ZNF710: variants seen among roughly 807,000 people sequenced by gnomAD.
The protein encoded by ZNF710 is zinc finger protein 710.
In ZNF710, 13 loss-of-function variants were observed where a neutral mutation model predicts 50.6. The ratio of observed to expected loss-of-function variants is 0.26; its 90% CI spans 0.17 to 0.41. ZNF710 has a LOEUF of 0.41. Among genes scored for constraint, ZNF710 ranks in the 10% least tolerant of loss-of-function variants. ZNF710 has a pLI of 1.00. For missense variants in ZNF710, 721 were observed against 936.6 expected (o/e 0.77, Z 3.01); for synonymous variants, 383 against 397.0 (o/e 0.96, Z 0.42).
At chr15:90,072,885 G>T (rs550497779) in intron 2 of ZNF710, among the ~76,000 whole-genome samples, 186 bp from the exon 3 acceptor site, 1 of 152,266 alleles carries the variant, frequency 6.6e-6, no homozygotes, top group South Asian at 2.1e-4. Context: ...AAGTGGCTCT[G>T]CCCCCACATT....
At position 90,079,773 on chromosome 15, in the gene ZNF710, G is replaced by T; in HGVS notation, c.1939G>T (p.Ala647Ser). ...TGCGAGCGTGGACAGCAGCGCCGAG[G>T]CCAGTGTCCTCACTGAACAGGCCAT... ...SYASVDSSAE[A>S]SVLTEQAMKE... The change falls in exon 5 of 5, where the codon GCC becomes TCC. Residue 647 changes from alanine to serine, a missense_variant. Ala to Ser is a moderately conservative substitution (Grantham distance 99). Transcript: ENST00000268154. 6.2e-7 allele frequency: 1 copy of T among 1,612,978 alleles called. No homozygotes were observed. Among genetic ancestry groups the T allele is most frequent in the Non-Finnish European group, 8.5e-7 (1 of 1,179,632 alleles).
chr15:90,022,673 A>G (rs996603796), intron 1 of ZNF710, among the ~76,000 whole-genome samples: 5 of 152,152 alleles, frequency 3.3e-5, no homozygotes, highest in African/African-American at 1.2e-4. Context: ...GGAAATGTTG[A>G]CCTGAGAGAC....
intron 2 of ZNF710, among the ~76,000 whole-genome samples, chr15:90,072,823 A>T (rs1900436922): frequency 6.6e-6 from 1 of 152,160 alleles, no homozygotes; most frequent in African/African-American, 2.4e-5. Context: ...AGGTATCTGG[A>T]TCGTTACAGT....
chr15:90,011,059 T>C (rs1013707112), intron 1 of ZNF710, among the ~76,000 whole-genome samples: 1 of 149,836 alleles, frequency 6.7e-6, no homozygotes, highest in African/African-American at 2.4e-5. Context: ...GCCTCCCAAA[T>C]AGCTGGGATT....
At chr15:90,079,319 T>C (rs564833835) in intron 4 of ZNF710, among the ~76,000 whole-genome samples, 3 of 152,304 alleles carry the variant, frequency 2.0e-5, no homozygotes, top group East Asian at 3.9e-4. Context: ...CAGAGAAACA[T>C]TGCAGAGAAG....
intron 2 of ZNF710, among the ~76,000 whole-genome samples, chr15:90,071,907 C>T (rs1900403427): frequency 6.6e-6 from 1 of 152,098 alleles, no homozygotes; most frequent in African/African-American, 2.4e-5. Context: ...AACTCCTGAC[C>T]TTGTGATCTG....
chr15:90,034,428 C>G lies in ZNF710; in HGVS notation c.-28-32682C>G, dbSNP rs971189841. ...AGCTGTCCTTCCTGTTTCCAAATTC[C>G]TGTGTGTGTGTGTGTGTGTGTGTGT... On this transcript the variant is annotated intron_variant, in intron 1 of 4. Coordinates refer to ENST00000268154, the MANE Select transcript of ZNF710 (RefSeq NM_198526.4). This position sits in a 1 kb window ranked among gnomAD's most constrained non-coding sequence, Gnocchi z 4.0. 5.6e-3 allele frequency among the ~76,000 whole-genome samples: 761 copies of G among 136,270 alleles called. 18 individuals are homozygous for G. Among genetic ancestry groups the G allele is most frequent in the Non-Finnish European group, 3.7e-3 (230 of 62,202 alleles). The allele number at this position is 136,270 out of a possible 152,430, so 89.4% of individuals were successfully genotyped here. A position where few individuals can be genotyped will look rare whatever the true frequency, so the allele number is the denominator to read the frequency against.
chr15:90,065,080 C>T (rs890760377), intron 1 of ZNF710, among the ~76,000 whole-genome samples: 1 of 152,194 alleles, frequency 6.6e-6, no homozygotes, highest in Non-Finnish European at 1.5e-5. Flanking sequence ...CCTGACCCCC[C>T]AGGCCGAGGT....
intron 1 of ZNF710, among the ~76,000 whole-genome samples, chr15:90,028,451 A>G (rs181745196): frequency 6.6e-6 from 1 of 152,338 alleles, no homozygotes; most frequent in Non-Finnish European, 1.5e-5. Context: ...GCTGATATGT[A>G]AGAGAAAAGA....
At chr15:90,053,840 T>C (rs1317215316) in intron 1 of ZNF710, among the ~76,000 whole-genome samples, 3 of 152,006 alleles carry the variant, frequency 2.0e-5, no homozygotes, top group East Asian at 3.9e-4. Context: ...TGTGTTTTCC[T>C]CCTCCCTTCC....
chr15:90,074,559 G>C, intron 4 of ZNF710: 1 of 1,381,908 alleles, frequency 7.2e-7, no homozygotes. Context: ...TGTGTGCCAG[G>C]CCTTTATTAA....
At chr15:90,030,349 A>AAAAAG (rs1898901264) in intron 1 of ZNF710, among the ~76,000 whole-genome samples, 1 of 151,192 alleles carries the variant, frequency 6.6e-6, no homozygotes, top group Admixed American at 6.6e-5. Context: ...AAAAAAAAAA[A>AAAAAG]AAAAGAAAGA....
In ZNF710 at chr15:90,067,445, T is replaced by C. The variant is rs531456686; in HGVS notation, c.308T>C (p.Val103Ala). 1 of 1,610,336 alleles carries C rather than the reference T, an allele frequency of 6.2e-7. No individual in the cohort carries two copies. ...KHTRRKTRPP[V>A]RLVPKVKFEK... ...ACCCGGCGGAAGACGCGGCCACCTG[T>C]GCGGTTGGTGCCCAAGGTCAAGTTC... The change falls in exon 2 of 5, where the codon GTG (valine) becomes GCG (alanine). Residue 103 changes from valine (V) to alanine (A), a missense_variant. Val to Ala is a moderately conservative substitution (Grantham distance 64, BLOSUM62 0). Transcript: ENST00000268154. This position sits in a 1 kb window ranked among gnomAD's most constrained non-coding sequence, Gnocchi z 8.1.
intron 1 of ZNF710, among the ~76,000 whole-genome samples, chr15:90,050,768 G>T (rs188377886): frequency 1.2e-3 from 173 of 143,576 alleles, no homozygotes; most frequent in East Asian, 4.5e-3. Context: ...CCTTAAGTTT[G>T]TTTTTTTTTT....
At chr15:90,007,034 A>G (rs1898157720) in intron 1 of ZNF710, among the ~76,000 whole-genome samples, 1 of 151,838 alleles carries the variant, frequency 6.6e-6, no homozygotes, top group South Asian at 2.1e-4. Flanking sequence ...GACCCTGCAG[A>G]CTCTAGTCCA....
At position 90,001,333 on chromosome 15, in the gene ZNF710, G is replaced by C. The variant is rs1898004724; in HGVS notation, c.-310G>C. 6.6e-6 allele frequency: 1 copy of C among 152,222 alleles called. No individual in the cohort carries two copies. 9.4% of individuals were successfully genotyped at this position (152,222 alleles called of 1,614,324 possible). ...TTTCTGTCTCTCTCTTCCTCTGCGAGCTGGCTTAGGAGGAGCTGTTTTGCA... is the reference window on the plus strand; with the variant it reads ...TTTCTGTCTCTCTCTTCCTCTGCGACCTGGCTTAGGAGGAGCTGTTTTGCA... On this transcript the variant is annotated 5_prime_UTR_variant, in exon 1 of 5. Coordinates refer to ENST00000268154, the MANE Select transcript of ZNF710 (RefSeq NM_198526.4).
intron 1 of ZNF710, among the ~76,000 whole-genome samples, chr15:90,061,998 T>G (rs557464866): frequency 2.6e-5 from 4 of 152,008 alleles, no homozygotes; most frequent in South Asian, 2.1e-4. Context: ...GATGAGTCTT[T>G]GTTCCCTCCC....
upstream of ZNF710, among the ~76,000 whole-genome samples, chr15:90,000,186 C>T (rs1454541011): frequency 6.6e-6 from 1 of 152,242 alleles, no homozygotes; most frequent in East Asian, 1.9e-4. Flanking sequence ...CTCCGGAGAA[C>T]CCGAGGACAG....
At chr15:90,057,112 C>T (rs1057145675) in intron 1 of ZNF710, among the ~76,000 whole-genome samples, 9 of 152,180 alleles carry the variant, frequency 5.9e-5, no homozygotes, top group South Asian at 2.1e-4. Context: ...TGCACATCTG[C>T]TCCTGTGGCT....
Sources: gnomAD v4.1 joint callset for allele counts (sites outside exome capture counted in the v4.1 genomes callset) on GRCh38, gnomAD v4.1.1 for gene constraint, Gnocchi (gnomAD v3.1) non-coding constraint, MANE v1.5 for transcripts, NCBI Gene and HGNC (gene_info 2026-07-23, HGNC 2026-07-21) for gene names.